Variants in MAP3K1 observed in about 807,000 individuals in gnomAD.
MAP3K1 encodes the protein mitogen-activated protein kinase kinase kinase 1, also known as MAP/ERK kinase kinase 1.
MAP3K1 carries 36 observed loss-of-function variants against 144.2 expected under a neutral mutation model. The observed-to-expected ratio is 0.25, with a 90% CI of 0.19 to 0.33. The LOEUF is 0.33. MAP3K1 is among the 10% of genes least tolerant of loss of function. The probability of loss-of-function intolerance (pLI) is 1.00; values close to 1 mark genes in which losing one functional copy is unlikely to be tolerated. For missense variants in MAP3K1, 1,650 were observed against 1,881.9 expected, an observed-to-expected ratio of 0.88 and a Z score of 2.28; for synonymous variants, 718 against 688.7, an observed-to-expected ratio of 1.04 and a Z score of -0.67.
intron 1 of MAP3K1, among the ~76,000 whole-genome samples, chr5:56,843,192 C>G (rs914092658): frequency 6.6e-6 from 1 of 152,184 alleles, no homozygotes; most frequent in Admixed American, 6.5e-5. Context: ...CTTCACCCCC[C>G]ACCCACCAGT....
intron 1 of MAP3K1, among the ~76,000 whole-genome samples, chr5:56,852,662 T>TA (rs1162048869): frequency 2.0e-5 from 3 of 152,216 alleles, no homozygotes; most frequent in African/African-American, 7.2e-5. Flanking sequence ...TGAAATCTGT[T>TA]ATTTTTTTAA....
At chr5:56,845,102 A>T (rs1199536495) in intron 1 of MAP3K1, among the ~76,000 whole-genome samples, 8 of 152,248 alleles carry the variant, frequency 5.3e-5, no homozygotes, top group Non-Finnish European at 1.0e-4. Context: ...AATAGAAGGT[A>T]TTCACTCAAA....
rs764575395 is a variant in MAP3K1, at chr5:56,881,163, C to T, written c.2260C>T (p.Leu754Phe). 1.9e-6 allele frequency: 3 copies of T among 1,613,730 alleles called. No individual in the cohort carries two copies. The highest frequency in any genetic ancestry group is 2.5e-6 in the Non-Finnish European group (3 of 1,179,832). ...AACTGAATCAAACAATTGGCAAGAACTTCTTGGCCGCCTTTGTCTTATAGA... is the reference window on the plus strand; with the variant it reads ...AACTGAATCAAACAATTGGCAAGAATTTCTTGGCCGCCTTTGTCTTATAGA... ...NQTESNNWQE[L>F]LGRLCLIDRL... Residue 754 changes from leucine (L) to phenylalanine (F), a missense_variant, in exon 13 of 20, where the codon CTT becomes TTT. Around this residue, in one of 6 missense-constraint regions of MAP3K1, gnomAD observed 841 missense variants for 886.5 expected, o/e 0.95. Transcript: ENST00000399503.
chr5:56,855,048 C>T (rs1747295828), intron 1 of MAP3K1, among the ~76,000 whole-genome samples: 1 of 152,080 alleles, frequency 6.6e-6, no homozygotes, highest in African/African-American at 2.4e-5. Flanking sequence ...GCAGGATGGA[C>T]TTTTTTGGAA....
Position 56,882,097 on chromosome 5 carries a change from G to A in MAP3K1, c.2897G>A (p.Cys966Tyr). The A allele has an allele frequency of 6.2e-7, 1 of 1,614,122 alleles. No individual in the cohort carries two copies. The highest frequency in any genetic ancestry group is 8.5e-7 in the Non-Finnish European group (1 of 1,180,042). Residue 966 changes from cysteine (C) to tyrosine (Y), a missense_variant, in exon 14 of 20, where the codon TGT becomes TAT. Around this residue, in one of 6 missense-constraint regions of MAP3K1, gnomAD observed 841 missense variants for 886.5 expected, o/e 0.95. Transcript: ENST00000399503. ...ACAAAAGGCAGACCCCACAGTCAGT[G>A]TTTGAACTCCTCTCCTTTATCTCAT... Reference protein sequence around the residue: ...VQTKGRPHSQCLNSSPLSHHS... With the variant: ...VQTKGRPHSQYLNSSPLSHHS...
At chr5:56,854,917 A>G (rs940283952) in intron 1 of MAP3K1, among the ~76,000 whole-genome samples, 15 of 152,192 alleles carry the variant, frequency 9.9e-5, no homozygotes, top group African/African-American at 3.6e-4. Flanking sequence ...ACCTCTTGCA[A>G]CATTGTTACT....
chr5:56,844,304 C>T lies in MAP3K1; in HGVS notation c.483-12296C>T, dbSNP rs112492512. On this transcript the variant is annotated intron_variant, in intron 1 of 19. Transcript: ENST00000399503. ...ATGCCATTCTCCAGCCTCAGCCTCC[C>T]GAGTAGCTGGGACTACAGGTGCCCG... 7.7e-3 allele frequency among the ~76,000 whole-genome samples: 1,161 copies of T among 151,150 alleles called. 14 individuals are homozygous for T. The highest frequency in any genetic ancestry group is 0.027 in the African/African-American group (1,099 of 41,192).
At position 56,881,685 on chromosome 5, in the gene MAP3K1, A is replaced by G. The variant is rs763664981; in HGVS notation, c.2485A>G (p.Thr829Ala). ...IYLSSARMVT[T>A]VPHVFSKLLE... is the part of the protein sequence containing the mutation. Reference sequence around the variant, plus strand: ...CTTGAGTTCTGCAAGAATGGTTACTACAGTACCCCATGTGTTTTCAAAACT... The same window carrying G: ...CTTGAGTTCTGCAAGAATGGTTACTGCAGTACCCCATGTGTTTTCAAAACT... The change falls in exon 14 of 20, where the codon ACA becomes GCA. Residue 829 changes from threonine (T) to alanine (A), a missense_variant. Transcript: ENST00000399503. 1 of 1,614,000 alleles carries G rather than the reference A, an allele frequency of 6.2e-7. No homozygotes were observed. The highest frequency in any genetic ancestry group is 8.5e-7 in the Non-Finnish European group (1 of 1,179,886).
intron 3 of MAP3K1, among the ~76,000 whole-genome samples, chr5:56,863,222 C>G (rs1052498628): frequency 2.0e-5 from 3 of 152,170 alleles, no homozygotes; most frequent in East Asian, 1.9e-4. Context: ...TCTGAACTTG[C>G]GGTTTTGAGT....
intron 1 of MAP3K1, among the ~76,000 whole-genome samples, chr5:56,820,056 C>T (rs1380769531): frequency 1.3e-5 from 2 of 152,118 alleles, no homozygotes; most frequent in Non-Finnish European, 2.9e-5. Context: ...TTATCTGTGG[C>T]TTAAAACATA....
intron 9 of MAP3K1, among the ~76,000 whole-genome samples, chr5:56,873,397 A>G (rs1747919846): frequency 6.6e-6 from 1 of 152,214 alleles, no homozygotes; most frequent in Non-Finnish European, 1.5e-5. Flanking sequence ...TTCTCTTTTC[A>G]TATCCTAATG....
intron 3 of MAP3K1, 111 bp downstream of exon 3, chr5:56,860,026 C>G: frequency 1.0e-6 from 1 of 963,698 alleles, no homozygotes; most frequent in Non-Finnish European, 1.6e-6. Context: ...AAAATATGAT[C>G]TGCAGACCCC....
intron 1 of MAP3K1, among the ~76,000 whole-genome samples, chr5:56,822,649 C>A (rs1328866098): frequency 6.6e-6 from 1 of 152,148 alleles, no homozygotes; most frequent in Non-Finnish European, 1.5e-5. Flanking sequence ...TGTCGATCCC[C>A]ACCCCAGTCT....
chr5:56,880,629 C>T (rs1748175351), intron 11 of MAP3K1, 82 bp from the exon 12 acceptor site: 1 of 889,250 alleles, frequency 1.1e-6, no homozygotes, highest in Non-Finnish European at 1.9e-6. Flanking sequence ...CACTTTTTCA[C>T]AAGGCATTAC....
rs527923533 is a variant in MAP3K1, at chr5:56,824,941, A to T, written c.482+8886A>T. On this transcript the variant is annotated intron_variant, in intron 1 of 19. Coordinates refer to ENST00000399503, the MANE Select transcript of MAP3K1 (RefSeq NM_005921.2). ...GATCTTTTCCGGTTTTTTAAAAAAA[A>T]TTTTTATTTTTTTTTTTGAGACGGA... Among the ~76,000 whole-genome samples, 469 of 140,884 alleles carry T rather than the reference A, an allele frequency of 3.3e-3. 4 individuals are homozygous for T. Among genetic ancestry groups the T allele is most frequent in the Middle Eastern group, 0.011 (3 of 284 alleles). 92.4% of individuals were successfully genotyped at this position (140,884 alleles called of 152,430 possible). A position where few individuals can be genotyped will look rare whatever the true frequency, so the allele number is the denominator to read the frequency against.
Position 56,875,164 on chromosome 5 carries a change from G to C in MAP3K1, c.1819G>C (p.Gly607Arg). The C allele has an allele frequency of 1.2e-6, 2 of 1,614,160 alleles. No homozygotes were observed. Among genetic ancestry groups the C allele is most frequent in the Non-Finnish European group, 1.7e-6 (2 of 1,180,022 alleles). The change falls in exon 10 of 20, where the codon GGG becomes CGG. Residue 607 changes from glycine to arginine, a missense_variant. This residue lies in a region of MAP3K1 where 841 missense variants were observed against 886.5 expected (regional missense o/e 0.95). Transcript: ENST00000399503. The part of the protein sequence containing the change: ...LANGESTGNS[G>R]GSSGSSPSGG... ...AAATGGGGAGAGCACTGGAAATTCT[G>C]GGGGCAGCAGTGGAAGCAGCCCGAG...
In MAP3K1 at chr5:56,864,763, A is replaced by T; in HGVS notation, c.864A>T (p.Arg288=). The change falls in exon 4 of 20, where the codon CGA becomes CGT. Residue 288 remains arginine (R), a synonymous_variant. Transcript: ENST00000399503. The part of the protein sequence containing the change: ...PFQSGRITPP[R]RAPSPDGFSP... ...AGAGTGGCAGAATCACACCACCCCGAAGAGCCCCTTCACCAGATGGCTTCT... is the reference window on the plus strand; with the variant it reads ...AGAGTGGCAGAATCACACCACCCCGTAGAGCCCCTTCACCAGATGGCTTCT... 1 of 1,614,134 alleles carries T rather than the reference A, an allele frequency of 6.2e-7. No homozygotes were observed. The highest frequency in any genetic ancestry group is 8.5e-7 in the Non-Finnish European group (1 of 1,180,014).
intron 1 of MAP3K1, among the ~76,000 whole-genome samples, chr5:56,841,225 G>T (rs1348314519): frequency 6.6e-6 from 1 of 151,276 alleles, no homozygotes; most frequent in Non-Finnish European, 1.5e-5. Context: ...AACTAGACAG[G>T]TTAATATTTT....
intron 11 of MAP3K1, among the ~76,000 whole-genome samples, chr5:56,880,005 C>A (rs1418126550): frequency 6.6e-6 from 1 of 152,178 alleles, no homozygotes; most frequent in African/African-American, 2.4e-5. Context: ...ATCATGAAGT[C>A]TGTCTTTTGC....
Sources: allele counts gnomAD v4.1 joint callset (sites outside exome capture counted in the v4.1 genomes callset), GRCh38; gene constraint gnomAD v4.1.1; regional missense constraint gnomAD v4.1.1; transcripts MANE v1.5; gene names NCBI Gene and HGNC (gene_info 2026-07-23, HGNC 2026-07-21).